Variants in CERKL observed in about 807,000 individuals in gnomAD.
CERKL encodes the protein ceramide kinase-like protein.
CERKL carries 61 observed loss-of-function variants against 63.4 expected under a neutral mutation model. The ratio of observed to expected loss-of-function variants is 0.96; its 90% CI spans 0.78 to 1.19. CERKL has a LOEUF of 1.19. CERKL is among the 50% of genes most tolerant of loss of function. CERKL has a pLI of 0.00. For synonymous variants in CERKL, 250 were observed against 230.5 expected (o/e 1.08, Z -0.77); for missense variants, 675 against 655.5 (o/e 1.03, Z -0.33).
At chr2:181,540,336 T>C (rs1484571030) in intron 11 of CERKL, among the ~76,000 whole-genome samples, 1 of 152,216 alleles carries the variant, frequency 6.6e-6, no homozygotes. Flanking sequence ...TTCATGTTAG[T>C]TGATAATTCA....
chr2:181,613,683 A>T (rs910498601), intron 1 of CERKL, among the ~76,000 whole-genome samples: 1 of 152,254 alleles, frequency 6.6e-6, no homozygotes, highest in African/African-American at 2.4e-5. Flanking sequence ...ATTCTTTTAC[A>T]AATGTATAAC....
rs1358675115 is a variant in CERKL at position 181,539,159 on chromosome 2, A to G, written c.1471T>C (p.Ser491Pro). The G allele has an allele frequency of 6.2e-7, 1 of 1,609,854 alleles. No homozygotes were observed. Among genetic ancestry groups the G allele is most frequent in the East Asian group, 2.2e-5 (1 of 44,774 alleles). Residue 491 changes from serine (S) to proline (P), a missense_variant, in exon 12 of 13, where the codon TCA becomes CCA. By Grantham distance (74) the Ser-to-Pro change is moderately conservative. Coordinates refer to ENST00000410087, the MANE Select transcript of CERKL (RefSeq NM_201548.5). ...ACATTCCAAGGGAAACAATTTTCTG[A>G]AGCAGTTTCATCCTCCTCCTCCTCT... Reference protein sequence around the residue: ...NPEEEEDETASENCFPWNVDG... With the variant: ...NPEEEEDETAPENCFPWNVDG...
At chr2:181,539,434 C>A (rs918647218) in intron 11 of CERKL, among the ~76,000 whole-genome samples, 170 bp from the exon 12 acceptor site, 1 of 152,096 alleles carries the variant, frequency 6.6e-6, no homozygotes, top group Non-Finnish European at 1.5e-5. Flanking sequence ...GAAGGAATCT[C>A]TTATCCAAAG....
chr2:181,637,411 C>T (rs972913057), intron 1 of CERKL, among the ~76,000 whole-genome samples: 8 of 152,182 alleles, frequency 5.3e-5, no homozygotes, highest in African/African-American at 1.4e-4. Flanking sequence ...GGTCAATAAA[C>T]GATAGTACAT....
chr2:181,631,402 T>G (rs1172350335), intron 1 of CERKL, among the ~76,000 whole-genome samples: 10 of 152,254 alleles, frequency 6.6e-5, no homozygotes. Flanking sequence ...CAGGGCTAAG[T>G]GGAGAAACAG....
At chr2:181,647,433 C>G (rs1687716898) in intron 1 of CERKL, among the ~76,000 whole-genome samples, 1 of 152,206 alleles carries the variant, frequency 6.6e-6, no homozygotes, top group Non-Finnish European at 1.5e-5. Flanking sequence ...ACTAGCATGA[C>G]ATGCCTGTCC....
In CERKL at chr2:181,645,671, A is replaced by C. The variant is rs551886877; in HGVS notation, c.238+11098T>G. ...ACATAGTCTCTCTGAATCCAGGTTC[A>C]GGCACCTGCTCTTTCACTATGCCCT... On this transcript the variant is annotated intron_variant, in intron 1 of 12. Coordinates refer to ENST00000410087, the MANE Select transcript of CERKL (RefSeq NM_201548.5). 5.9e-5 allele frequency among the ~76,000 whole-genome samples: 9 copies of C among 152,376 alleles called. No homozygotes were observed. The South Asian group carries it at 1.5e-3, about 25-fold the overall frequency.
chr2:181,655,874 C>G (rs1305254948), intron 1 of CERKL, among the ~76,000 whole-genome samples: 2 of 152,194 alleles, frequency 1.3e-5, no homozygotes, highest in African/African-American at 4.8e-5. Context: ...TCTTTCACCG[C>G]TCACATCTAA....
intron 1 of CERKL, among the ~76,000 whole-genome samples, chr2:181,650,759 C>CA (rs1287388439): frequency 1.3e-4 from 18 of 138,356 alleles, no homozygotes; most frequent in Admixed American, 7.4e-4. Flanking sequence ...AACTCCATCT[C>CA]AAAAAAAAAG....
intron 1 of CERKL, among the ~76,000 whole-genome samples, chr2:181,630,534 T>C (rs577838501): frequency 6.6e-6 from 1 of 152,226 alleles, no homozygotes; most frequent in African/African-American, 2.4e-5. Context: ...CCTAATCCAA[T>C]AGGACTGGTG....
At chr2:181,598,186 A>G (rs189899522) in intron 2 of CERKL, among the ~76,000 whole-genome samples, 131 of 152,192 alleles carry the variant, frequency 8.6e-4, no homozygotes, top group African/African-American at 2.9e-3. Flanking sequence ...GTGGGGCCCA[A>G]CTCCCCATCC....
At chr2:181,604,597 C>A (rs141478628) in intron 1 of CERKL, among the ~76,000 whole-genome samples, 1 of 152,008 alleles carries the variant, frequency 6.6e-6, no homozygotes, top group Non-Finnish European at 1.5e-5. Context: ...ATAAACAAAG[C>A]GACATTTTAG....
intron 1 of CERKL, among the ~76,000 whole-genome samples, chr2:181,650,624 G>A (rs1467678190): frequency 6.6e-6 from 1 of 152,090 alleles, no homozygotes; most frequent in Non-Finnish European, 1.5e-5. Context: ...TAGGTGTGGT[G>A]GCACATGCCT....
intron 2 of CERKL, among the ~76,000 whole-genome samples, chr2:181,585,393 C>G (rs1009803195): frequency 6.6e-6 from 1 of 152,066 alleles, no homozygotes; most frequent in African/African-American, 2.4e-5. Flanking sequence ...AACAAAAGCA[C>G]AACACTGCAA....
In CERKL at chr2:181,550,097, A is replaced by G. The variant is rs955629013; in HGVS notation, c.821-389T>C. On this transcript the variant is annotated intron_variant, in intron 5 of 12. Transcript: ENST00000410087. The surrounding 1 kb of genome is among the most constrained non-coding windows in gnomAD (Gnocchi z 4.5). ...GAGGTGCCTCTGGGGAGCAGTGACA[A>G]ATGCATACATAAATAAAAGAGAAAA... is the stretch of plus-strand genomic sequence containing the variant. Among the ~76,000 whole-genome samples, 3 of 152,138 alleles carry G rather than the reference A, an allele frequency of 2.0e-5. No individual in the cohort carries two copies. The highest frequency in any genetic ancestry group is 7.2e-5 in the African/African-American group (3 of 41,438).
chr2:181,543,685 T>A (rs1687604972), intron 11 of CERKL, among the ~76,000 whole-genome samples: 1 of 152,254 alleles, frequency 6.6e-6, no homozygotes, highest in Admixed American at 6.5e-5. Flanking sequence ...CACCATTTTA[T>A]ACCTTTAAGA....
chr2:181,549,514 T>C (rs1288696957), intron 6 of CERKL, 120 bp downstream of exon 6: 18 of 783,688 alleles, frequency 2.3e-5, no homozygotes, highest in Non-Finnish European at 4.0e-5. Context: ...GTCAAACATT[T>C]CTCTACTCTA....
Position 181,549,615 on chromosome 2 carries a change from G to A in CERKL, c.895+19C>T. The A allele has an allele frequency of 6.4e-7, 1 of 1,557,140 alleles. No individual in the cohort carries two copies. Among genetic ancestry groups the A allele is most frequent in the South Asian group, 1.1e-5 (1 of 89,984 alleles). ...AACATTTCCTTATAAAATATGAACT[G>A]CTTTGGAAGAATTCTTACCCATTAT... is the stretch of plus-strand genomic sequence containing the variant. On this transcript the variant is annotated intron_variant, in intron 6 of 12. Transcript: ENST00000410087.
At chr2:181,560,453 T>C (rs1688392180) in intron 4 of CERKL, among the ~76,000 whole-genome samples, 3 of 152,214 alleles carry the variant, frequency 2.0e-5, no homozygotes, top group African/African-American at 7.2e-5. Flanking sequence ...TAATACATTC[T>C]GTGTTAAATC....
Sources: gnomAD v4.1 joint callset for allele counts (sites outside exome capture counted in the v4.1 genomes callset) on GRCh38, gnomAD v4.1.1 for gene constraint, Gnocchi (gnomAD v3.1) non-coding constraint, MANE v1.5 for transcripts, NCBI Gene and HGNC (gene_info 2026-07-23, HGNC 2026-07-21) for gene names.